The following PKHD1 variants were observed in gnomAD, a reference collection of about 807,000 sequenced individuals.
The protein encoded by PKHD1 is fibrocystin.
In PKHD1, 291 loss-of-function variants were observed where a neutral mutation model predicts 412.0. That is an observed-to-expected ratio of 0.71 (90% CI 0.64 to 0.78). The LOEUF (loss-of-function observed/expected upper bound fraction) is 0.78. PKHD1 is among the 30% of genes least tolerant of loss of function. The pLI is 0.00. For synonymous variants in PKHD1, 1,777 were observed against 1,821.5 expected, an observed-to-expected ratio of 0.98 and a Z score of 0.62; for missense variants, 4,825 against 4,950.7, an observed-to-expected ratio of 0.97 and a Z score of 0.76.
intron 60 of PKHD1, among the ~76,000 whole-genome samples, chr6:51,727,407 G>A (rs546511572): frequency 6.6e-6 from 1 of 152,292 alleles, no homozygotes; most frequent in Admixed American, 6.5e-5. Context: ...AGGTGAGGAA[G>A]TATATTTTAA....
At position 51,932,901 on chromosome 6, in the gene PKHD1, C is replaced by T. The variant is rs185247310; in HGVS notation, c.6121+1209G>A. ...ATAGACAATGATTGGGGCCTGTGGT[C>T]GGTATGAGACAGAGTCTGGATAAAG... On this transcript the variant is annotated intron_variant, in intron 37 of 66. Transcript: ENST00000371117. 1.3e-3 allele frequency among the ~76,000 whole-genome samples: 205 copies of T among 152,228 alleles called. 2 individuals carry two copies. The highest frequency in any genetic ancestry group is 4.6e-3 in the African/African-American group (190 of 41,544).
chr6:51,778,401 G>A (rs528203600), intron 53 of PKHD1, among the ~76,000 whole-genome samples: 73 of 152,246 alleles, frequency 4.8e-4, no homozygotes, highest in African/African-American at 1.7e-3. Flanking sequence ...TACAGTTGAG[G>A]TTCTGATGAG....
chr6:51,932,861 C>A (rs969252570), intron 37 of PKHD1, among the ~76,000 whole-genome samples: 1 of 152,154 alleles, frequency 6.6e-6, no homozygotes, highest in Non-Finnish European at 1.5e-5. Flanking sequence ...AAAAGAGACA[C>A]AAGCATGTTT....
intron 47 of PKHD1, among the ~76,000 whole-genome samples, chr6:51,868,359 A>G (rs568231040): frequency 1.3e-5 from 2 of 152,126 alleles, no homozygotes; most frequent in Non-Finnish European, 2.9e-5. Flanking sequence ...TCTATAGTCC[A>G]CATTGTAGGG....
chr6:51,686,825 G>A (rs750726699), intron 60 of PKHD1, among the ~76,000 whole-genome samples: 2 of 152,062 alleles, frequency 1.3e-5, no homozygotes, highest in Admixed American at 6.6e-5. Flanking sequence ...TTCCTGATTC[G>A]CTCAGATTGA....
chr6:51,962,952 C>G (rs1248799315), intron 35 of PKHD1, among the ~76,000 whole-genome samples: 1 of 152,014 alleles, frequency 6.6e-6, no homozygotes, highest in African/African-American at 2.4e-5. Flanking sequence ...GCTATATTCC[C>G]ACCTCCCTAA....
chr6:51,889,581 T>C (rs1297511772), intron 43 of PKHD1, among the ~76,000 whole-genome samples: 1 of 152,232 alleles, frequency 6.6e-6, no homozygotes, highest in African/African-American at 2.4e-5. Context: ...TGGCAGGCTT[T>C]ACCTGGGGGT....
intron 60 of PKHD1, among the ~76,000 whole-genome samples, chr6:51,733,320 C>G (rs973230112): frequency 6.6e-6 from 1 of 152,086 alleles, no homozygotes; most frequent in Non-Finnish European, 1.5e-5. Flanking sequence ...ATGGGCGGAT[C>G]ACAAGGTCAG....
chr6:52,040,743 A>G (rs1220736395), intron 27 of PKHD1, among the ~76,000 whole-genome samples: 3 of 151,964 alleles, frequency 2.0e-5, no homozygotes, highest in African/African-American at 7.3e-5. Context: ...CACTTCACCC[A>G]TATCTCCCTT....
At chr6:51,909,799 G>A (rs145832079) in intron 39 of PKHD1, among the ~76,000 whole-genome samples, 2 of 152,162 alleles carry the variant, frequency 1.3e-5, no homozygotes, top group Non-Finnish European at 2.9e-5. Context: ...ATCCTCTGGA[G>A]GAAATGTGCA....
Position 52,017,628 on chromosome 6 carries a change from CACTGCAGGA to C in PKHD1, c.5381-8_5381del. On this transcript the variant is annotated splice_acceptor_variant and splice_polypyrimidine_tract_variant and coding_sequence_variant and intron_variant, in exon 34 of 67. Transcript: ENST00000371117. LOFTEE classifies it high-confidence loss of function. ...TCAGGCCACACAGGAAGGCCAAGGA[CACTGCAGGA>C]AACAGTCACCATTAGGAAAGAACCA... 2 of 1,612,216 alleles carry C rather than the reference CACTGCAGGA, an allele frequency of 1.2e-6. No homozygotes were observed. The highest frequency in any genetic ancestry group is 1.7e-6 in the Non-Finnish European group (2 of 1,178,958).
rs767286387 is a variant in PKHD1, at chr6:51,903,956, A to G, written c.6865+30T>C. 2.1e-6 allele frequency: 3 copies of G among 1,423,112 alleles called. No individual in the cohort carries two copies. The South Asian group carries it at 3.4e-5, about 16-fold the overall frequency. The allele number at this position is 1,423,112 out of a possible 1,614,324, so 88.2% of individuals were successfully genotyped here. A position where few individuals can be genotyped will look rare whatever the true frequency, so the allele number is the denominator to read the frequency against. On this transcript the variant is annotated intron_variant, in intron 42 of 66. Coordinates refer to ENST00000371117, the MANE Select transcript of PKHD1 (RefSeq NM_138694.4). ...TATATGACAATTTTAAATACACTGT[A>G]ATAGATTTAAAATCAATTTACATAT...
intron 60 of PKHD1, among the ~76,000 whole-genome samples, chr6:51,718,687 T>G (rs1200797099): frequency 6.6e-6 from 1 of 152,184 alleles, no homozygotes; most frequent in Non-Finnish European, 1.5e-5. Context: ...ATGGTCTCAA[T>G]GAAAGTGATT....
At chr6:51,702,682 A>ATT (rs1168291585) in intron 60 of PKHD1, among the ~76,000 whole-genome samples, 2 of 151,994 alleles carry the variant, frequency 1.3e-5, no homozygotes, top group African/African-American at 4.8e-5. Flanking sequence ...ATCTAGAAAA[A>ATT]GCAAATTTAG....
At chr6:52,065,170 G>GAGAGAGAGAGAGAGAC (rs2128222759) in intron 12 of PKHD1, 120 bp from the exon 13 acceptor site, 1 of 93,070 alleles carries the variant, frequency 1.1e-5, no homozygotes, top group Admixed American at 1.2e-4. Flanking sequence ...TATATATATA[G>GAGAGAGAGAGAGAGAC]AGAGAGAGAG....
intron 8 of PKHD1, among the ~76,000 whole-genome samples, chr6:52,071,446 A>G (rs1810597384): frequency 6.6e-6 from 1 of 151,944 alleles, no homozygotes; most frequent in African/African-American, 2.4e-5. Flanking sequence ...CACAAGGAAG[A>G]CTACACACAA....
intron 61 of PKHD1, among the ~76,000 whole-genome samples, chr6:51,657,691 A>G (rs1428128256): frequency 1.3e-5 from 2 of 152,116 alleles, no homozygotes; most frequent in African/African-American, 4.8e-5. Context: ...CTCATGATAG[A>G]ATGGCATGCC....
At position 52,007,209 on chromosome 6, in the gene PKHD1, T is replaced by G. The variant is rs148090972; in HGVS notation, c.5751+3100A>C. On this transcript the variant is annotated intron_variant, in intron 35 of 66. Transcript: ENST00000371117. Reference sequence around the variant, plus strand: ...TCTTTTTCTCTGGCTAGATACCCAGTAATGGGATTGCTGGATCAAATGGTA... The same window carrying G: ...TCTTTTTCTCTGGCTAGATACCCAGGAATGGGATTGCTGGATCAAATGGTA... Among the ~76,000 whole-genome samples, 271 of 152,340 alleles carry G rather than the reference T, an allele frequency of 1.8e-3. 2 individuals carry two copies. Among genetic ancestry groups the G allele is most frequent in the African/African-American group, 5.9e-3 (246 of 41,572 alleles).
chr6:51,697,060 G>A (rs766690360), intron 60 of PKHD1, among the ~76,000 whole-genome samples: 5 of 151,988 alleles, frequency 3.3e-5, no homozygotes, highest in Non-Finnish European at 5.9e-5. Context: ...ATGGTGACAC[G>A]CACCTGATGT....
Sources: allele counts gnomAD v4.1 joint callset (sites outside exome capture counted in the v4.1 genomes callset), GRCh38; gene constraint gnomAD v4.1.1; transcripts MANE v1.5; gene names NCBI Gene and HGNC (gene_info 2026-07-23, HGNC 2026-07-21).